The following VPS13C variants were observed in gnomAD, a reference collection of about 807,000 sequenced individuals.
VPS13C encodes intermembrane lipid transfer protein VPS13C.
Under a neutral mutation model 456.8 loss-of-function variants are expected in VPS13C, and 358 were observed. The observed-to-expected ratio is 0.78, with a 90% CI of 0.72 to 0.86. The LOEUF is 0.86. Among genes scored for constraint, VPS13C ranks in the 40% least tolerant of loss-of-function variants. The pLI is 0.00. For synonymous variants in VPS13C, 1,578 were observed against 1,486.7 expected (o/e 1.06, Z -1.41); for missense variants, 4,818 against 4,385.4 (o/e 1.10, Z -2.79).
At chr15:62,007,103 A>G (rs949161489) in intron 15 of VPS13C, among the ~76,000 whole-genome samples, 2 of 152,166 alleles carry the variant, frequency 1.3e-5, no homozygotes, top group African/African-American at 4.8e-5. Context: ...ACCTTATTTT[A>G]TCTGATATTT....
intron 27 of VPS13C, among the ~76,000 whole-genome samples, chr15:61,972,284 G>C (rs976218565): frequency 6.6e-6 from 1 of 152,092 alleles, no homozygotes; most frequent in African/African-American, 2.4e-5. Flanking sequence ...ATATTATTTA[G>C]CTTAAAAGTG....
Position 61,873,290 on chromosome 15 carries a change from C to T in VPS13C, c.10534G>A (p.Asp3512Asn), listed in dbSNP as rs768379858. The T allele has an allele frequency of 5.6e-5, 90 of 1,613,608 alleles. No individual in the cohort carries two copies. The highest frequency in any genetic ancestry group is 7.5e-5 in the Non-Finnish European group (89 of 1,179,744). Residue 3512 changes from aspartate (D) to asparagine (N), a missense_variant, in exon 78 of 85, where the codon GAT (aspartate) becomes AAT (asparagine). Around this residue, in one of 3 missense-constraint regions of VPS13C, gnomAD observed 4,552 missense variants for 4,130.6 expected, o/e 1.10. Transcript: ENST00000644861. ...CCTCTGGCCAGGCTGTCTCCAAAAT[C>T]TCTGGGCTGTCGACTCAACTCTTCT... is the stretch of plus-strand genomic sequence containing the variant. ...RREELSRQPR[D>N]FGDSLARGGK...
rs2047009272 is a variant in VPS13C, at chr15:62,010,701, T to C, written c.884-102A>G. On this transcript the variant is annotated intron_variant, in intron 12 of 84. Coordinates refer to ENST00000644861, the MANE Select transcript of VPS13C (RefSeq NM_020821.3). ...CTGTTACTCTAGAAGTAAAGAAAAATGATCAAAAATGTGTGTAACAAAATC... is the reference window on the plus strand; with the variant it reads ...CTGTTACTCTAGAAGTAAAGAAAAACGATCAAAAATGTGTGTAACAAAATC... 3.4e-6 allele frequency: 4 copies of C among 1,181,958 alleles called. No individual in the cohort carries two copies. The East Asian group carries it at 1.2e-4, about 34-fold the overall frequency. The allele number at this position is 1,181,958 out of a possible 1,614,324, so 73.2% of individuals were successfully genotyped here.
Position 61,854,564 on chromosome 15 carries a change from A to G in VPS13C, c.11161-6T>C. The G allele has an allele frequency of 1.2e-6, 2 of 1,613,426 alleles. No individual in the cohort carries two copies. Among genetic ancestry groups the G allele is most frequent in the Non-Finnish European group, 1.7e-6 (2 of 1,179,444 alleles). ...TCAATGGCATTACATGCTCTCTGTA[A>G]AGTAAAATACTTATTATGAATTTTA... is the stretch of plus-strand genomic sequence containing the variant. On this transcript the variant is annotated splice_polypyrimidine_tract_variant and splice_region_variant and intron_variant, in intron 84 of 84. Transcript: ENST00000644861.
intron 25 of VPS13C, 74 bp from the exon 26 acceptor site, chr15:61,973,606 C>G (rs2045620287): frequency 9.2e-7 from 1 of 1,087,132 alleles, no homozygotes; most frequent in Admixed American, 1.7e-5. Context: ...GAGAGGAAGA[C>G]TAAAAAGTAA....
Position 62,035,936 on chromosome 15 carries a change from G to T in VPS13C, c.188-884C>A, listed in dbSNP as rs532496756. Among the ~76,000 whole-genome samples the T allele has an allele frequency of 2.0e-5, 3 of 152,082 alleles. No individual in the cohort carries two copies. In the East Asian group the frequency reaches 5.8e-4, roughly 29 times the overall value. On this transcript the variant is annotated intron_variant, in intron 3 of 84. Coordinates refer to ENST00000644861, the MANE Select transcript of VPS13C (RefSeq NM_020821.3). Reference sequence around the variant, plus strand: ...AGACAAGAGAAGACCAAAAGGGCATGCTCTCAGCTAAATTTTGAAATAGGC... The same window carrying T: ...AGACAAGAGAAGACCAAAAGGGCATTCTCTCAGCTAAATTTTGAAATAGGC...
At chr15:61,924,363 T>C (rs762329679) in intron 53 of VPS13C, among the ~76,000 whole-genome samples, 6 of 152,226 alleles carry the variant, frequency 3.9e-5, no homozygotes, top group Non-Finnish European at 7.3e-5. Context: ...CCCAACTGCA[T>C]CTTGGCCATG....
chr15:61,893,697 C>CA (rs749446720), intron 66 of VPS13C, among the ~76,000 whole-genome samples: 1 of 150,806 alleles, frequency 6.6e-6, no homozygotes, highest in African/African-American at 2.4e-5. Flanking sequence ...ATAGGCAATA[C>CA]AAAAAAGATA....
At chr15:61,877,849 T>C (rs965132414) in intron 74 of VPS13C, among the ~76,000 whole-genome samples, 6 of 151,998 alleles carry the variant, frequency 3.9e-5, no homozygotes, top group Non-Finnish European at 8.8e-5. Context: ...GTTTTCCCTT[T>C]TGCGAATTAT....
chr15:61,927,382 G>T, intron 51 of VPS13C, 62 bp from the exon 52 acceptor site: 1 of 1,299,844 alleles, frequency 7.7e-7, no homozygotes, highest in Non-Finnish European at 1.1e-6. Context: ...TTGACTACAT[G>T]TTATCTACAA....
At chr15:61,933,058 T>C (rs1275658376) in intron 49 of VPS13C, among the ~76,000 whole-genome samples, 1 of 152,182 alleles carries the variant, frequency 6.6e-6, no homozygotes, top group African/African-American at 2.4e-5. Context: ...ATTGCAGTAC[T>C]ACAAGTGTAA....
intron 73 of VPS13C, among the ~76,000 whole-genome samples, chr15:61,879,128 G>C (rs1476897945): frequency 6.6e-6 from 1 of 152,028 alleles, no homozygotes; most frequent in Non-Finnish European, 1.5e-5. Context: ...GACAATTAAG[G>C]TAAGTTAGCA....
intron 38 of VPS13C, among the ~76,000 whole-genome samples, chr15:61,952,348 C>G (rs982000617): frequency 1.2e-4 from 19 of 152,100 alleles, no homozygotes; most frequent in African/African-American, 4.6e-4. Flanking sequence ...TATTCTCCCC[C>G]CAGATAATGG....
chr15:62,042,613 C>T (rs886642180), intron 2 of VPS13C, among the ~76,000 whole-genome samples: 15 of 151,964 alleles, frequency 9.9e-5, no homozygotes, highest in African/African-American at 3.4e-4. Context: ...TCGCATTATA[C>T]AGTATACAAA....
rs971326027 is a variant in VPS13C at position 62,016,038 on chromosome 15, T to C, written c.685-2046A>G. On this transcript the variant is annotated intron_variant, in intron 9 of 84. Transcript: ENST00000644861. ...TTCTTCAGCTCTCTCTTTTTCTTTA[T>C]TGTTTCTGCTCTGTTCTTCAATGCG... Among the ~76,000 whole-genome samples the C allele has an allele frequency of 4.6e-5, 7 of 150,980 alleles. No homozygotes were observed. In the South Asian group the frequency reaches 6.2e-4, roughly 13 times the overall value.
chr15:61,918,065 G>T, intron 59 of VPS13C, 71 bp downstream of exon 59: 1 of 1,447,958 alleles, frequency 6.9e-7, no homozygotes, highest in South Asian at 1.4e-5. Context: ...ATAAAAATAT[G>T]AAGTTATTTG....
intron 4 of VPS13C, among the ~76,000 whole-genome samples, chr15:62,034,695 G>A (rs2047926583): frequency 6.6e-6 from 1 of 151,788 alleles, no homozygotes; most frequent in African/African-American, 2.4e-5. Flanking sequence ...GGAAGCCTTA[G>A]TTGCAAAACA....
chr15:62,006,620 A>G (rs559525531), intron 15 of VPS13C, among the ~76,000 whole-genome samples: 8 of 152,246 alleles, frequency 5.3e-5, no homozygotes, highest in African/African-American at 1.7e-4. Context: ...GTACATACCC[A>G]GTAACGGGAT....
chr15:62,024,651 A>G (rs1414111547), intron 6 of VPS13C, among the ~76,000 whole-genome samples: 1 of 152,008 alleles, frequency 6.6e-6, no homozygotes, highest in Non-Finnish European at 1.5e-5. Context: ...ACATCCTGTT[A>G]ATCTCTTGCT....
Sources: allele counts gnomAD v4.1 joint callset (sites outside exome capture counted in the v4.1 genomes callset), GRCh38; gene constraint gnomAD v4.1.1; regional missense constraint gnomAD v4.1.1; transcripts MANE v1.5; gene names NCBI Gene and HGNC (gene_info 2026-07-23, HGNC 2026-07-21).